SERPINC1: variants seen among roughly 807,000 people sequenced by gnomAD.
SERPINC1 encodes the protein antithrombin-III.
In SERPINC1, 12 loss-of-function variants were observed where a neutral mutation model predicts 43.4. That is an observed-to-expected ratio of 0.28 (90% confidence interval 0.18 to 0.45). The LOEUF (loss-of-function observed/expected upper bound fraction) is 0.45, where lower values mean the gene tolerates loss of function less well. Among genes scored for constraint, SERPINC1 ranks in the 20% least tolerant of loss-of-function variants. The probability of loss-of-function intolerance (pLI) is 1.00; values close to 1 mark genes in which losing one functional copy is unlikely to be tolerated. For synonymous variants in SERPINC1, 210 were observed against 218.9 expected (o/e 0.96, Z 0.36); for missense variants, 423 against 578.8 (o/e 0.73, Z 2.76).
Position 173,910,882 on chromosome 1 carries a change from C to T in SERPINC1, c.634G>A (p.Glu212Lys), listed in dbSNP as rs756016928. 8.7e-6 allele frequency: 14 copies of T among 1,614,038 alleles called. No individual in the cohort carries two copies. The highest frequency in any genetic ancestry group is 1.2e-5 in the Non-Finnish European group (14 of 1,180,030). Residue 212 changes from glutamate (E) to lysine (K), a missense_variant, in exon 4 of 7, where the codon GAG becomes AAG. Coordinates refer to ENST00000367698, the MANE Select transcript of SERPINC1 (RefSeq NM_000488.4). ...LQPLDFKENA[E>K]QSRAAINKWV... ...TTGTTGATGGCCGCTCTGGATTGCTCTGCATTTTCCTGAGGAGAACAGAAA... is the reference window on the plus strand; with the variant it reads ...TTGTTGATGGCCGCTCTGGATTGCTTTGCATTTTCCTGAGGAGAACAGAAA...
chr1:173,907,984 A>AAAT (rs57195053), intron 5 of SERPINC1, among the ~76,000 whole-genome samples: 11,323 of 139,282 alleles, frequency 0.081, 497 homozygotes, highest in East Asian at 0.094. Flanking sequence ...TGCATCTCAA[A>AAAT]AATAATAATA....
At position 173,909,933 on chromosome 1, in the gene SERPINC1, T is replaced by TC; in HGVS notation, c.771dup (p.Lys258GlufsTer7). The TC allele has an allele frequency of 6.2e-7, 1 of 1,614,086 alleles. No individual in the cohort carries two copies. The highest frequency in any genetic ancestry group is 8.5e-7 in the Non-Finnish European group (1 of 1,180,024). On this transcript the variant is annotated frameshift_variant, in exon 5 of 7. Transcript: ENST00000367698. LOFTEE classifies it high-confidence loss of function. ...GTGTTCTCAGGGCTGAACTTTGACT[T>TC]CCACAGGCCCTGGAAGAGAATCACA...
chr1:173,915,687 CAACA>C (rs549921315), intron 1 of SERPINC1, among the ~76,000 whole-genome samples: 90 of 152,182 alleles, frequency 5.9e-4, no homozygotes, highest in African/African-American at 1.2e-3. Context: ...AAAACAGCAA[CAACA>C]AACAAACAAA....
At chr1:173,910,026 C>G (rs573543610) in intron 4 of SERPINC1, 84 bp from the exon 5 acceptor site, 9 of 1,335,178 alleles carry the variant, frequency 6.7e-6, no homozygotes, top group Middle Eastern at 2.0e-4. Flanking sequence ...TATAGTGTTA[C>G]ATTAATATAT....
At chr1:173,904,699 C>G (rs181464049) in intron 6 of SERPINC1, among the ~76,000 whole-genome samples, 8 of 152,268 alleles carry the variant, frequency 5.3e-5, no homozygotes, top group Admixed American at 2.0e-4. Flanking sequence ...CATGATTAAC[C>G]GGCTCCCTGG....
At chr1:173,905,282 G>T (rs1657446780) in intron 6 of SERPINC1, among the ~76,000 whole-genome samples, 1 of 152,122 alleles carries the variant, frequency 6.6e-6, no homozygotes, top group South Asian at 2.1e-4. Context: ...AAAATCCCTT[G>T]TTCTGACCTC....
intron 3 of SERPINC1, 95 bp downstream of exon 3, chr1:173,911,704 C>G: frequency 9.9e-7 from 1 of 1,005,866 alleles, no homozygotes; most frequent in South Asian, 1.3e-5. Flanking sequence ...TCTTCAGCAG[C>G]AAAGCAGTGT....
chr1:173,905,395 T>A (rs1012606314), intron 6 of SERPINC1, among the ~76,000 whole-genome samples: 1 of 152,140 alleles, frequency 6.6e-6, no homozygotes, highest in Non-Finnish European at 1.5e-5. Flanking sequence ...TTCTGTCCAC[T>A]CCAACTCCTG....
chr1:173,916,053 C>T (rs970501857), intron 1 of SERPINC1, among the ~76,000 whole-genome samples: 1 of 152,176 alleles, frequency 6.6e-6, no homozygotes, highest in African/African-American at 2.4e-5. Context: ...TTAGTTCAGG[C>T]TCTCATCCCT....
intron 3 of SERPINC1, 50 bp downstream of exon 3, chr1:173,911,749 C>CT: frequency 1.4e-6 from 2 of 1,411,336 alleles, no homozygotes; most frequent in Non-Finnish European, 2.0e-6. Context: ...TCCTCAATCT[C>CT]TGAGTGGAGA....
At chr1:173,904,139 A>G (rs1657384414) in intron 6 of SERPINC1, 74 bp from the exon 7 acceptor site, 2 of 1,384,052 alleles carry the variant, frequency 1.4e-6, no homozygotes, top group Admixed American at 1.7e-5. Flanking sequence ...TCATCCACAG[A>G]CACAGCAATT....
Position 173,912,763 on chromosome 1 carries a change from C to T in SERPINC1, c.409-749G>A, listed in dbSNP as rs7523640. On this transcript the variant is annotated intron_variant, in intron 2 of 6. Transcript: ENST00000367698. ...TTTTCTCCAGAGAGATTCAGTCTCA[C>T]CCTGCTTTCCCAACACATGGCGTTT... 3.5e-3 allele frequency among the ~76,000 whole-genome samples: 526 copies of T among 152,212 alleles called. 3 individuals carry two copies. Among genetic ancestry groups the T allele is most frequent in the African/African-American group, 0.012 (489 of 41,526 alleles).
intron 2 of SERPINC1, among the ~76,000 whole-genome samples, chr1:173,914,286 G>A (rs1364430928): frequency 2.0e-5 from 3 of 152,164 alleles, no homozygotes; most frequent in African/African-American, 7.2e-5. Context: ...AAGAAGTTGA[G>A]AGAAGATACA....
intron 5 of SERPINC1, among the ~76,000 whole-genome samples, chr1:173,909,172 T>TAAA (rs1418147432): frequency 6.6e-6 from 1 of 151,796 alleles, no homozygotes; most frequent in Non-Finnish European, 1.5e-5. Context: ...CAAGTAATAA[T>TAAA]AATAATAATA....
chr1:173,914,488 T>A, intron 2 of SERPINC1, 65 bp downstream of exon 2: 2 of 1,601,310 alleles, frequency 1.2e-6, no homozygotes. Flanking sequence ...TCATTGGACT[T>A]GGGCCTATGG....
intron 6 of SERPINC1, among the ~76,000 whole-genome samples, chr1:173,905,327 T>C (rs903052865): frequency 1.3e-5 from 2 of 152,232 alleles, no homozygotes; most frequent in Middle Eastern, 3.2e-3. Flanking sequence ...TTAAAGGTCA[T>C]TGACATTCAT....
At chr1:173,906,122 T>C (rs915709395) in intron 6 of SERPINC1, among the ~76,000 whole-genome samples, 1 of 151,704 alleles carries the variant, frequency 6.6e-6, no homozygotes, top group Non-Finnish European at 1.5e-5. Context: ...CCGCAAAAAA[T>C]AGTCTATACC....
intron 2 of SERPINC1, 124 bp downstream of exon 2, chr1:173,914,429 C>A (rs898234686): frequency 9.7e-7 from 1 of 1,036,140 alleles, no homozygotes; most frequent in Non-Finnish European, 1.5e-6. Flanking sequence ...CAAAGGGAAT[C>A]GTAATGCATA....
At chr1:173,910,087 G>A (rs1657704876) in intron 4 of SERPINC1, 145 bp from the exon 5 acceptor site, 7 of 831,604 alleles carry the variant, frequency 8.4e-6, no homozygotes, top group Non-Finnish European at 1.4e-5. Flanking sequence ...GTTAACAATG[G>A]CTGTGTCAGA....
Sources: gnomAD v4.1 joint callset for allele counts (sites outside exome capture counted in the v4.1 genomes callset) on GRCh38, gnomAD v4.1.1 for gene constraint, MANE v1.5 for transcripts, NCBI Gene and HGNC (gene_info 2026-07-23, HGNC 2026-07-21) for gene names.